Variants in RBFOX1 observed in about 807,000 individuals in gnomAD.
The protein encoded by RBFOX1 is RNA binding protein fox-1 homolog 1.
A neutral mutation model predicts 57.7 loss-of-function variants in RBFOX1; 8 were observed. The ratio of observed to expected loss-of-function variants is 0.14; its 90% CI spans 0.08 to 0.25. The LOEUF is 0.25. Among genes scored for constraint, RBFOX1 ranks in the 10% least tolerant of loss-of-function variants. The pLI, the probability that RBFOX1 is intolerant of heterozygous loss-of-function variation, is 1.00. For missense variants in RBFOX1, 611 were observed against 548.5 expected (o/e 1.11, Z -1.14); for synonymous variants, 326 against 222.4 (o/e 1.47, Z -4.15).
intron 1 of RBFOX1, among the ~76,000 whole-genome samples, chr16:5,305,509 T>C (rs1326214634): frequency 6.6e-6 from 1 of 152,202 alleles, no homozygotes; most frequent in Non-Finnish European, 1.5e-5. Context: ...TGTTTTACCC[T>C]ATTGATTAGA....
At chr16:7,572,545 A>G (rs1387888093) in intron 5 of RBFOX1, among the ~76,000 whole-genome samples, 1 of 152,158 alleles carries the variant, frequency 6.6e-6, no homozygotes, top group African/African-American at 2.4e-5. Flanking sequence ...TCCACCCATC[A>G]AAAATAATAA....
At chr16:6,002,096 C>G (rs939846484) in intron 4 of RBFOX1, among the ~76,000 whole-genome samples, 3 of 151,862 alleles carry the variant, frequency 2.0e-5, no homozygotes, top group Non-Finnish European at 4.4e-5. Flanking sequence ...TTCAGCCTCC[C>G]CAGTAGCTGG....
chr16:7,341,804 T>A, intron 4 of RBFOX1, among the ~76,000 whole-genome samples: 1 of 135,154 alleles, frequency 7.4e-6, no homozygotes, highest in African/African-American at 2.7e-5. Flanking sequence ...CCTTCCTTCC[T>A]TCCTTCCTTC....
intron 3 of RBFOX1, among the ~76,000 whole-genome samples, chr16:5,706,680 CT>C (rs534073879): frequency 1.1e-4 from 17 of 152,088 alleles, no homozygotes; most frequent in Non-Finnish European, 2.2e-4. Context: ...ATATTTATGT[CT>C]TTCCTAAAGC....
chr16:7,137,298 C>G (rs1239658923), intron 4 of RBFOX1, among the ~76,000 whole-genome samples: 4 of 152,098 alleles, frequency 2.6e-5, no homozygotes, highest in African/African-American at 7.2e-5. Context: ...GTGTCCCCAG[C>G]CAAATGTCAT....
chr16:7,513,644 C>G (rs1567606403), intron 4 of RBFOX1, among the ~76,000 whole-genome samples: 1 of 152,188 alleles, frequency 6.6e-6, no homozygotes, highest in Non-Finnish European at 1.5e-5. Context: ...TGTCTCCAGT[C>G]ATTGCCTAAT....
intron 4 of RBFOX1, among the ~76,000 whole-genome samples, chr16:6,011,108 C>G (rs1316671322): frequency 1.3e-5 from 2 of 152,104 alleles, no homozygotes; most frequent in African/African-American, 4.8e-5. Flanking sequence ...AAGTTAAGTG[C>G]ATTTGAAAGA....
chr16:6,615,664 T>C (rs769474499), intron 2 of RBFOX1, among the ~76,000 whole-genome samples: 1 of 152,324 alleles, frequency 6.6e-6, no homozygotes, highest in Admixed American at 6.5e-5. Context: ...GAAATGTCCA[T>C]GTGCTTTCCA....
At chr16:5,952,503 T>C (rs2059541676) in intron 4 of RBFOX1, among the ~76,000 whole-genome samples, 1 of 152,174 alleles carries the variant, frequency 6.6e-6, no homozygotes, top group Non-Finnish European at 1.5e-5. Context: ...CCCAGGCTGG[T>C]CTCGAACCAC....
intron 3 of RBFOX1, among the ~76,000 whole-genome samples, chr16:6,968,756 C>G (rs896593491): frequency 1.3e-5 from 2 of 152,228 alleles, no homozygotes; most frequent in African/African-American, 2.4e-5. Flanking sequence ...CTCCTCTTTG[C>G]CTAGTACCTT....
chr16:6,619,058 A>G (rs1217238670), intron 2 of RBFOX1, among the ~76,000 whole-genome samples: 4 of 152,162 alleles, frequency 2.6e-5, no homozygotes, highest in Admixed American at 1.3e-4. Flanking sequence ...GACAGTGGTG[A>G]TGCCACGCTG....
intron 3 of RBFOX1, among the ~76,000 whole-genome samples, chr16:7,046,239 T>G (rs1417664714): frequency 1.6e-5 from 2 of 126,368 alleles, no homozygotes; most frequent in Non-Finnish European, 1.6e-5. Context: ...GGTAAAGGGG[T>G]GTGTGTGTGT....
intron 3 of RBFOX1, among the ~76,000 whole-genome samples, chr16:6,732,571 C>T (rs1161775286): frequency 6.6e-6 from 1 of 152,222 alleles, no homozygotes; most frequent in Non-Finnish European, 1.5e-5. Flanking sequence ...GGCAGACTTT[C>T]CACCACGATT....
intron 3 of RBFOX1, among the ~76,000 whole-genome samples, chr16:5,685,204 C>T (rs181645847): frequency 9.8e-4 from 149 of 152,280 alleles, no homozygotes; most frequent in African/African-American, 3.6e-3. Flanking sequence ...GAGATATCAC[C>T]AACCTATTAA....
intron 9 of RBFOX1, among the ~76,000 whole-genome samples, chr16:7,599,940 C>G (rs775471333): frequency 1.3e-5 from 2 of 151,976 alleles, no homozygotes; most frequent in South Asian, 4.2e-4. Flanking sequence ...TCTGGCCTAG[C>G]CTTTTCTTTT....
intron 4 of RBFOX1, among the ~76,000 whole-genome samples, chr16:7,296,360 A>ATG (rs1332641590): frequency 6.6e-6 from 1 of 151,096 alleles, no homozygotes; most frequent in Non-Finnish European, 1.5e-5. Context: ...GTATGTATGA[A>ATG]TGTACTACCT....
At chr16:6,231,199 T>G (rs1598603206) in intron 1 of RBFOX1, among the ~76,000 whole-genome samples, 1 of 136,456 alleles carries the variant, frequency 7.3e-6, no homozygotes, top group Non-Finnish European at 1.6e-5. Context: ...GATAGAGGGG[T>G]GTGTGTGTGT....
chr16:5,421,755 G>C lies in RBFOX1; in HGVS notation c.220-45461G>C, dbSNP rs149718473. Among the ~76,000 whole-genome samples, 7 of 152,310 alleles carry C rather than the reference G, an allele frequency of 4.6e-5. No homozygotes were observed. In the East Asian group the frequency reaches 1.4e-3, roughly 29 times the overall value. On this transcript the variant is annotated intron_variant, in intron 1 of 2. Transcript: ENST00000585867. ...ATAGTCTTGGAAGATATTTTGCAAA[G>C]AATATGCAAATAACCCTTACTCATC...
intron 2 of RBFOX1, among the ~76,000 whole-genome samples, chr16:6,580,848 C>A (rs2097527177): frequency 6.6e-6 from 1 of 151,738 alleles, no homozygotes; most frequent in Non-Finnish European, 1.5e-5. Context: ...CAAGTGTTAA[C>A]CGATGCCTAA....
Sources: gnomAD v4.1 joint callset for allele counts (sites outside exome capture counted in the v4.1 genomes callset) on GRCh38, gnomAD v4.1.1 for gene constraint, MANE v1.5 for transcripts, NCBI Gene and HGNC (gene_info 2026-07-23, HGNC 2026-07-21) for gene names.